Variants in CNGB1 observed in about 807,000 individuals in gnomAD.
CNGB1 encodes cyclic nucleotide-gated channel beta-1.
CNGB1 carries 126 observed loss-of-function variants against 151.7 expected under a neutral mutation model. That is an observed-to-expected ratio of 0.83 (90% CI 0.72 to 0.96). The LOEUF (loss-of-function observed/expected upper bound fraction) is 0.96. Among genes scored for constraint, CNGB1 ranks in the 40% least tolerant of loss-of-function variants. CNGB1 has a pLI of 0.00. For synonymous variants in CNGB1, 623 were observed against 635.1 expected (o/e 0.98, Z 0.29); for missense variants, 1,698 against 1,627.0 (o/e 1.04, Z -0.75).
chr16:57,928,363 G>A (rs1159932321), intron 17 of CNGB1, among the ~76,000 whole-genome samples: 1 of 152,168 alleles, frequency 6.6e-6, no homozygotes. Context: ...CAACAAGAGG[G>A]GATTTGTTAA....
At chr16:57,926,560 C>A (rs1164801014) in intron 17 of CNGB1, among the ~76,000 whole-genome samples, 1 of 152,230 alleles carries the variant, frequency 6.6e-6, no homozygotes, top group African/African-American at 2.4e-5. Flanking sequence ...TTCATGGATT[C>A]ACTTTTTTCA....
chr16:57,955,420 ATGAG>A (rs375159350), intron 12 of CNGB1: 468 of 1,431,258 alleles, frequency 3.3e-4, no homozygotes, highest in Non-Finnish European at 3.7e-4. Flanking sequence ...GGCGGAGGGA[ATGAG>A]TGAGTGAGTG....
rs17821448 is a variant in CNGB1, at chr16:57,963,028, G to A, written c.327C>T (p.Gly109=). 743,665 of 1,611,342 alleles carry A rather than the reference G, an allele frequency of 0.46. 178,643 individuals are homozygous for A. The highest frequency in any genetic ancestry group is 0.49 in the Non-Finnish European group (582,446 of 1,178,390). Residue 109 remains glycine, a synonymous_variant, in exon 5 of 33, where the codon GGC becomes GGT. Transcript: ENST00000251102. ...SRRVLTWLMK[G]VEKVIPQPVH... is the part of the protein sequence containing the mutation. ...CAGGCTGCGGGATCACCTTCTCTAC[G>A]CCCTTCATGAGCCAGGTCAGTACCC...
At position 57,967,188 on chromosome 16, in the gene CNGB1, C is replaced by T; in HGVS notation, c.99G>A (p.Met33Ile). 1.2e-6 allele frequency: 2 copies of T among 1,614,202 alleles called. No individual in the cohort carries two copies. Among genetic ancestry groups the T allele is most frequent in the Non-Finnish European group, 1.7e-6 (2 of 1,180,046 alleles). ...EEEEVEPEPE[M>I]EAEVEPEPNP... ...TCGGTTCTGGTTCCACCTCCGCCTC[C>T]ATCTCTGGCTCTGGTTCCACTTCCT... Residue 33 changes from methionine to isoleucine, a missense_variant, in exon 2 of 33, where the codon ATG (methionine) becomes ATA (isoleucine). Coordinates refer to ENST00000251102, the MANE Select transcript of CNGB1 (RefSeq NM_001297.5).
At chr16:57,961,053 A>C in intron 7 of CNGB1, 138 bp from the exon 8 acceptor site, 1 of 792,506 alleles carries the variant, frequency 1.3e-6, no homozygotes, top group Non-Finnish European at 2.1e-6. Context: ...TTGTCCTGGA[A>C]ACTCTCAAAG....
Position 57,960,509 on chromosome 16 carries a change from C to T in CNGB1, c.556G>A (p.Val186Ile). The change falls in exon 9 of 33, where the codon GTT (valine) becomes ATT (isoleucine). Residue 186 changes from valine to isoleucine, a missense_variant. Val to Ile is a conservative substitution (Grantham distance 29). Coordinates refer to ENST00000251102, the MANE Select transcript of CNGB1 (RefSeq NM_001297.5). ...SSEVWRDEPA[V>I]ATGAASDPAP... is the part of the protein sequence containing the mutation. ...GGGTCTGAGGCAGCACCTGTAGCAA[C>T]TGCAGGCTCATCTCTCCAGACCTGG... The T allele has an allele frequency of 1.9e-6, 3 of 1,613,870 alleles. No homozygotes were observed. Among genetic ancestry groups the T allele is most frequent in the Non-Finnish European group, 2.5e-6 (3 of 1,179,894 alleles).
At chr16:57,950,626 C>CTG in intron 12 of CNGB1, 86 bp from the exon 13 acceptor site, 50 of 1,488,760 alleles carry the variant, frequency 3.4e-5, no homozygotes, top group Non-Finnish European at 4.0e-5. Context: ...TGCAGGGAGC[C>CTG]CTGGCTGTCG....
chr16:57,960,917 T>C lies in CNGB1; in HGVS notation c.459-2A>G. 1 of 1,614,086 alleles carries C rather than the reference T, an allele frequency of 6.2e-7. No homozygotes were observed. The highest frequency in any genetic ancestry group is 1.1e-5 in the South Asian group (1 of 91,052). ...CACAGAAGCAGCCGCAGCCCAGGCC[T>C]GCAGAGGGGCCAGTGATCAGCAGAG... On this transcript the variant is annotated splice_acceptor_variant, in intron 7 of 32. Transcript: ENST00000251102. LOFTEE classifies it high-confidence loss of function.
chr16:57,922,991 C>G, intron 18 of CNGB1: 1 of 351,716 alleles, frequency 2.8e-6, no homozygotes, highest in Non-Finnish European at 5.5e-6. Context: ...TCCCCTCAGC[C>G]TCTCCTTCAC....
chr16:57,939,246 T>G (rs1253037098), intron 16 of CNGB1, among the ~76,000 whole-genome samples, 184 bp downstream of exon 16: 1 of 152,118 alleles, frequency 6.6e-6, no homozygotes, highest in African/African-American at 2.4e-5. Flanking sequence ...ATCAGTAGGC[T>G]CTGATAATGT....
chr16:57,945,577 C>A (rs1229458530), intron 14 of CNGB1, among the ~76,000 whole-genome samples: 1 of 152,224 alleles, frequency 6.6e-6, no homozygotes, highest in Non-Finnish European at 1.5e-5. Flanking sequence ...ATGAGAATCT[C>A]ACAGAAAAGT....
At chr16:57,914,644 G>A (rs1003395120) in intron 23 of CNGB1, among the ~76,000 whole-genome samples, 4 of 152,150 alleles carry the variant, frequency 2.6e-5, no homozygotes, top group Non-Finnish European at 5.9e-5. Flanking sequence ...CACGTGACAG[G>A]ACCATGGCCA....
Position 57,919,201 on chromosome 16 carries a change from C to G in CNGB1, c.1855G>C (p.Glu619Gln), listed in dbSNP as rs778235190. Residue 619 changes from glutamate (E) to glutamine (Q), a missense_variant, in exon 20 of 33, where the codon GAG (glutamate) becomes CAG (glutamine). Physicochemically the swap from Glu to Gln is conservative, Grantham distance 29. Coordinates refer to ENST00000251102, the MANE Select transcript of CNGB1 (RefSeq NM_001297.5). ...PAPDTKPAEA[E>Q]PVEEEHYCDM... is the part of the protein sequence containing the mutation. ...CAATAGTGCTCCTCTTCCACTGGCT[C>G]GGCTTCAGCGGGCTTTGTGTCTGGA... The G allele has an allele frequency of 1.7e-5, 27 of 1,614,194 alleles. No homozygotes were observed. The highest frequency in any genetic ancestry group is 2.3e-5 in the Non-Finnish European group (27 of 1,180,044).
chr16:57,962,944 G>C, intron 5 of CNGB1, 30 bp downstream of exon 5: 1 of 1,612,280 alleles, frequency 6.2e-7, no homozygotes, highest in Non-Finnish European at 8.5e-7. Flanking sequence ...TCTCCAACCC[G>C]GCCCCTTCAG....
At chr16:57,955,051 G>C in intron 12 of CNGB1, 1 of 1,294,996 alleles carries the variant, frequency 7.7e-7, no homozygotes, top group Non-Finnish European at 9.9e-7. Flanking sequence ...GCCCGGCTAT[G>C]GGCCTTTTCC....
At chr16:57,916,740 C>T (rs946079937) in intron 21 of CNGB1, among the ~76,000 whole-genome samples, 5 of 152,036 alleles carry the variant, frequency 3.3e-5, no homozygotes, top group South Asian at 2.1e-4. Flanking sequence ...GGGTGGTGCA[C>T]GGGGCTGGAC....
intron 12 of CNGB1, 82 bp from the exon 13 acceptor site, chr16:57,950,622 G>A: frequency 6.6e-7 from 1 of 1,510,866 alleles, no homozygotes; most frequent in Non-Finnish European, 9.1e-7. Flanking sequence ...AGCCTGCAGG[G>A]AGCCCTGGCT....
At chr16:57,934,889 G>A (rs1406186748) in intron 16 of CNGB1, among the ~76,000 whole-genome samples, 3 of 151,602 alleles carry the variant, frequency 2.0e-5, no homozygotes. Flanking sequence ...CCCGGGAGGC[G>A]GAGCTTGCAG....
chr16:57,967,390 T>A, intron 1 of CNGB1, 96 bp from the exon 2 acceptor site: 1 of 1,321,248 alleles, frequency 7.6e-7, no homozygotes, highest in Non-Finnish European at 1.1e-6. Flanking sequence ...TCCTTTTCCT[T>A]CATCAACTTT....
Sources: allele counts gnomAD v4.1 joint callset (sites outside exome capture counted in the v4.1 genomes callset), GRCh38; gene constraint gnomAD v4.1.1; transcripts MANE v1.5; gene names NCBI Gene and HGNC (gene_info 2026-07-23, HGNC 2026-07-21).